FYB1: variants seen among roughly 807,000 people sequenced by gnomAD.
The protein encoded by FYB1 is FYN binding protein 1, also known as FYN-binding protein 1.
In FYB1, 41 loss-of-function variants were observed where a neutral mutation model predicts 94.1. That is an observed-to-expected ratio of 0.44 (90% CI 0.34 to 0.57). FYB1 has a LOEUF of 0.57. Among genes scored for constraint, FYB1 ranks in the 20% least tolerant of loss-of-function variants. The pLI, the probability that FYB1 is intolerant of heterozygous loss-of-function variation, is 0.02. For missense variants in FYB1, 1,050 were observed against 976.8 expected, an observed-to-expected ratio of 1.07 and a Z score of -1.00; for synonymous variants, 367 against 353.2, an observed-to-expected ratio of 1.04 and a Z score of -0.44.
chr5:39,112,495 G>T (rs187383926), intron 16 of FYB1, among the ~76,000 whole-genome samples: 49 of 152,108 alleles, frequency 3.2e-4, no homozygotes, highest in African/African-American at 1.1e-3. Context: ...ATAAACTGTT[G>T]TTAGAGACTG....
chr5:39,116,382 T>C (rs1228413359), intron 16 of FYB1, among the ~76,000 whole-genome samples: 1 of 152,200 alleles, frequency 6.6e-6, no homozygotes, highest in East Asian at 1.9e-4. Context: ...AACTGTAAAG[T>C]GCATTGGTAC....
chr5:39,274,105 A>C (rs1752733154), intron 1 of FYB1, among the ~76,000 whole-genome samples: 1 of 152,048 alleles, frequency 6.6e-6, no homozygotes, highest in South Asian at 2.1e-4. Context: ...TTGTATTTTC[A>C]GTAGAGATGG....
chr5:39,253,035 GA>G (rs1197866049), intron 1 of FYB1, among the ~76,000 whole-genome samples: 1 of 152,158 alleles, frequency 6.6e-6, no homozygotes, highest in Non-Finnish European at 1.5e-5. Context: ...TATAGCTCAG[GA>G]CAATGCTATG....
At chr5:39,154,504 C>CT (rs70982546) in intron 2 of FYB1, among the ~76,000 whole-genome samples, 15,882 of 141,284 alleles carry the variant, frequency 0.11, 1,412 homozygotes, top group East Asian at 0.4. Context: ...AACCATTTTC[C>CT]TTTTTTTTTT....
intron 7 of FYB1, among the ~76,000 whole-genome samples, chr5:39,135,768 A>G (rs1293915100): frequency 6.6e-6 from 1 of 152,192 alleles, no homozygotes; most frequent in Non-Finnish European, 1.5e-5. Flanking sequence ...AAAGAAAATA[A>G]TGTAAGTTAA....
chr5:39,193,343 G>A (rs925143854), intron 2 of FYB1, among the ~76,000 whole-genome samples: 8 of 152,020 alleles, frequency 5.3e-5, no homozygotes, highest in Admixed American at 5.2e-4. Flanking sequence ...AAATGAGGAT[G>A]GGAAATTTCA....
At chr5:39,254,029 A>C (rs7715266) in intron 1 of FYB1, among the ~76,000 whole-genome samples, 48,985 of 151,996 alleles carry the variant, frequency 0.32, 9,590 homozygotes, top group African/African-American at 0.56. Flanking sequence ...TGATCTCATT[A>C]TTTTTTATGG....
chr5:39,163,449 G>A (rs1488617045), intron 2 of FYB1, among the ~76,000 whole-genome samples: 1 of 152,144 alleles, frequency 6.6e-6, no homozygotes, highest in Non-Finnish European at 1.5e-5. Flanking sequence ...AATGATCAAT[G>A]AGAGGAAAAT....
intron 1 of FYB1, 27 bp downstream of exon 1, chr5:39,219,416 A>T (rs754492445): frequency 5.6e-5 from 55 of 985,186 alleles, no homozygotes; most frequent in Non-Finnish European, 6.5e-5. Flanking sequence ...ATTTATTTGA[A>T]AGAAGAAACC....
chr5:39,242,552 G>C (rs1442046897), intron 1 of FYB1, among the ~76,000 whole-genome samples: 1 of 151,910 alleles, frequency 6.6e-6, no homozygotes, highest in Non-Finnish European at 1.5e-5. Context: ...GTGGACATTT[G>C]GGTTGGTTCC....
intron 2 of FYB1, chr5:39,170,206 T>G: frequency 1.2e-6 from 1 of 829,838 alleles, no homozygotes; most frequent in Non-Finnish European, 2.1e-6. Context: ...TTCAGTATAG[T>G]CAGTATTTTT....
intron 1 of FYB1, among the ~76,000 whole-genome samples, chr5:39,235,275 C>G (rs1750910615): frequency 7.2e-6 from 1 of 139,176 alleles, no homozygotes; most frequent in African/African-American, 3.3e-5. Flanking sequence ...CCCCAAGGAT[C>G]AGCTTTTTTT....
At chr5:39,126,795 A>C (rs1740709831) in intron 11 of FYB1, among the ~76,000 whole-genome samples, 1 of 151,562 alleles carries the variant, frequency 6.6e-6, no homozygotes. Context: ...ACAGTGGCTC[A>C]CGCCTGTAAT....
At chr5:39,269,166 C>T (rs781137208) in intron 1 of FYB1, among the ~76,000 whole-genome samples, 3 of 152,180 alleles carry the variant, frequency 2.0e-5, no homozygotes, top group South Asian at 2.1e-4. Context: ...TCTCCTGCCT[C>T]GGCCTCCCGA....
chr5:39,123,955 T>A lies in FYB1; in HGVS notation c.2071+298A>T, dbSNP rs113898036. Among the ~76,000 whole-genome samples, 13 of 152,294 alleles carry A rather than the reference T, an allele frequency of 8.5e-5. 1 individual carries two copies. Among genetic ancestry groups the A allele is most frequent in the African/African-American group, 3.1e-4 (13 of 41,586 alleles). On this transcript the variant is annotated intron_variant, in intron 13 of 18. Transcript: ENST00000512982. Reference sequence around the variant, plus strand: ...GAAGTCTCATATATCAAGCTTGGACTGAATTGAGGCTGGGGGATATAGGGA... The same window carrying A: ...GAAGTCTCATATATCAAGCTTGGACAGAATTGAGGCTGGGGGATATAGGGA...
intron 2 of FYB1, among the ~76,000 whole-genome samples, chr5:39,196,204 CTTTCT>C (rs942501494): frequency 1.6e-5 from 2 of 127,152 alleles, no homozygotes; most frequent in African/African-American, 6.4e-5. Context: ...AAATATAATT[CTTTCT>C]TTTTTTTTTT....
intron 14 of FYB1, 43 bp from the exon 15 acceptor site, chr5:39,119,677 A>T (rs1739906393): frequency 7.0e-7 from 1 of 1,433,888 alleles, no homozygotes; most frequent in Admixed American, 3.2e-5. Context: ...TTGTTTAGAA[A>T]ATTAAAAAGA....
chr5:39,148,201 ATATATAT>A (rs1742916098), intron 3 of FYB1, among the ~76,000 whole-genome samples: 6 of 75,914 alleles, frequency 7.9e-5, no homozygotes, highest in African/African-American at 2.7e-4. Context: ...ATATATATAT[ATATATAT>A]TTGTAGACGC....
intron 1 of FYB1, among the ~76,000 whole-genome samples, chr5:39,271,135 A>G (rs1474807433): frequency 6.6e-6 from 1 of 152,152 alleles, no homozygotes; most frequent in African/African-American, 2.4e-5. Context: ...GCAAAAGTAT[A>G]TGAAAATTTT....
Sources: allele counts gnomAD v4.1 joint callset (sites outside exome capture counted in the v4.1 genomes callset), GRCh38; gene constraint gnomAD v4.1.1; transcripts MANE v1.5; gene names NCBI Gene and HGNC (gene_info 2026-07-23, HGNC 2026-07-21).